Variants in SLC15A5 observed in about 807,000 individuals in gnomAD.
SLC15A5 encodes solute carrier family 15 member 5, also known as Peptide/histidine transporter ENSP00000340402.
A neutral mutation model predicts 56.1 loss-of-function variants in SLC15A5; 58 were observed. The ratio of observed to expected loss-of-function variants is 1.03; its 90% CI spans 0.84 to 1.29. The LOEUF (loss-of-function observed/expected upper bound fraction) is 1.29. SLC15A5 is among the 50% of genes most tolerant of loss of function. The pLI is 0.00. For missense variants in SLC15A5, 681 were observed against 672.1 expected (o/e 1.01, Z -0.15); for synonymous variants, 264 against 250.5 (o/e 1.05, Z -0.51).
chr12:16,206,984 A>C (rs1864025843), intron 7 of SLC15A5, among the ~76,000 whole-genome samples: 1 of 152,202 alleles, frequency 6.6e-6, no homozygotes, highest in South Asian at 2.1e-4. Context: ...ATTTCAATGA[A>C]TTATCATGGA....
intron 3 of SLC15A5, 123 bp from the exon 4 acceptor site, chr12:16,244,923 C>A: frequency 9.7e-7 from 1 of 1,034,354 alleles, no homozygotes. Context: ...TTTTAGCACC[C>A]AAGGGGTCGG....
chr12:16,253,966 G>A (rs1864544106), intron 3 of SLC15A5, among the ~76,000 whole-genome samples: 3 of 152,086 alleles, frequency 2.0e-5, no homozygotes, highest in Admixed American at 2.0e-4. Context: ...GTGAGATTCT[G>A]AGGAAATATT....
Position 16,277,437 on chromosome 12 carries a change from G to A in SLC15A5, c.249C>T (p.Asn83=). Residue 83 remains asparagine (N), a synonymous_variant, in exon 1 of 9, where the codon AAC becomes AAT. Coordinates refer to ENST00000344941, the MANE Select transcript of SLC15A5 (RefSeq NM_001170798.1). ...GTATTGAAGTTCCAATAAAACACAA[G>A]TTTAAGATGGCTGCTTGGCAATTGT... The part of the protein sequence containing the change: ...GYHNCQAAIL[N]LCFIGTSILT... 6.5e-7 allele frequency: 1 copy of A among 1,536,512 alleles called. No individual in the cohort carries two copies.
chr12:16,222,421 A>G (rs1285867490), intron 6 of SLC15A5, among the ~76,000 whole-genome samples: 1 of 152,190 alleles, frequency 6.6e-6, no homozygotes, highest in Non-Finnish European at 1.5e-5. Context: ...TTCAAGGAGT[A>G]GTCTCTCATT....
intron 5 of SLC15A5, among the ~76,000 whole-genome samples, chr12:16,229,554 A>G (rs1565664456): frequency 6.6e-6 from 1 of 151,732 alleles, no homozygotes; most frequent in African/African-American, 2.4e-5. Context: ...ACTTCATTGG[A>G]AGATTCACAA....
chr12:16,215,961 A>AT (rs1198824643), intron 7 of SLC15A5, among the ~76,000 whole-genome samples: 1 of 152,104 alleles, frequency 6.6e-6, no homozygotes, highest in African/African-American at 2.4e-5. Flanking sequence ...CTTGATAAAT[A>AT]TTTTTCGAAT....
chr12:16,242,789 G>A (rs1490438863), intron 4 of SLC15A5, among the ~76,000 whole-genome samples: 1 of 152,164 alleles, frequency 6.6e-6, no homozygotes. Context: ...GTAAGGAACT[G>A]GTATTCTGTG....
At position 16,197,133 on chromosome 12, in the gene SLC15A5, G is replaced by A. The variant is rs139408692; in HGVS notation, c.1484-2680C>T. On this transcript the variant is annotated intron_variant, in intron 7 of 8. Coordinates refer to ENST00000344941, the MANE Select transcript of SLC15A5 (RefSeq NM_001170798.1). ...CCCAAACCGAAGATTGCCATATTAC[G>A]TATTCAAACTTTCTATAATGCTCCT... Among the ~76,000 whole-genome samples, 221 of 150,678 alleles carry A rather than the reference G, an allele frequency of 1.5e-3. 6 individuals are homozygous for A. In the East Asian group the frequency reaches 0.027, roughly 18 times the overall value.
rs556599340 is a variant in SLC15A5, at chr12:16,269,572, TA to T, written c.584+2988del. Among the ~76,000 whole-genome samples, 122 of 152,320 alleles carry T rather than the reference TA, an allele frequency of 8.0e-4. No individual in the cohort carries two copies. Among genetic ancestry groups the T allele is most frequent in the Middle Eastern group, 6.8e-3 (2 of 294 alleles). ...TACATTTTTACCTCTAGTGCTTCCC[TA>T]AGATAAAATATATTTAATTTGAGTA... On this transcript the variant is annotated intron_variant, in intron 2 of 8. Coordinates refer to ENST00000344941, the MANE Select transcript of SLC15A5 (RefSeq NM_001170798.1). This position sits in a 1 kb window ranked among gnomAD's most constrained non-coding sequence, Gnocchi z 4.7.
chr12:16,211,749 G>C (rs1005034969), intron 7 of SLC15A5, among the ~76,000 whole-genome samples: 14 of 152,104 alleles, frequency 9.2e-5, no homozygotes, highest in African/African-American at 2.9e-4. Context: ...ATTAGTGTAG[G>C]AGGATGAGTT....
intron 2 of SLC15A5, among the ~76,000 whole-genome samples, chr12:16,266,024 C>T (rs1214464752): frequency 6.6e-6 from 1 of 152,014 alleles, no homozygotes; most frequent in Non-Finnish European, 1.5e-5. Flanking sequence ...AAACTAAAAC[C>T]TCTCAATAAT....
chr12:16,247,317 A>G (rs537603053), intron 3 of SLC15A5, among the ~76,000 whole-genome samples: 9 of 152,334 alleles, frequency 5.9e-5, no homozygotes, highest in African/African-American at 1.9e-4. Context: ...AACTCTAGCT[A>G]ACACAGCAAG....
At chr12:16,276,872 T>C (rs1389594152) in intron 1 of SLC15A5, among the ~76,000 whole-genome samples, 1 of 152,076 alleles carries the variant, frequency 6.6e-6, no homozygotes, top group Non-Finnish European at 1.5e-5. Context: ...TTAATTACTA[T>C]ATGACTAATT....
intron 5 of SLC15A5, among the ~76,000 whole-genome samples, chr12:16,228,179 T>C (rs540570729): frequency 2.6e-5 from 4 of 152,182 alleles, no homozygotes; most frequent in Non-Finnish European, 5.9e-5. Context: ...TGAAAATGTG[T>C]TATAGCTCAG....
chr12:16,266,409 A>G (rs1239082788), intron 2 of SLC15A5, among the ~76,000 whole-genome samples: 3 of 152,234 alleles, frequency 2.0e-5, no homozygotes, highest in Non-Finnish European at 4.4e-5. Context: ...GAAAATTACA[A>G]CTATTCCAAG....
At chr12:16,212,871 A>G (rs553222501) in intron 7 of SLC15A5, among the ~76,000 whole-genome samples, 1 of 152,314 alleles carries the variant, frequency 6.6e-6, no homozygotes, top group South Asian at 2.1e-4. Context: ...TTTATTAAAG[A>G]TAAAAATAAA....
intron 7 of SLC15A5, among the ~76,000 whole-genome samples, chr12:16,206,292 G>A (rs1307703396): frequency 1.3e-5 from 2 of 152,188 alleles, no homozygotes; most frequent in African/African-American, 4.8e-5. Context: ...TTGTTGTGAA[G>A]ATGTAATGAA....
chr12:16,245,907 TATTTTTATAGCTATAAAGTGG>T (rs1365842221), intron 3 of SLC15A5, among the ~76,000 whole-genome samples: 1 of 152,198 alleles, frequency 6.6e-6, no homozygotes, highest in African/African-American at 2.4e-5. Context: ...TGTATTAATA[TATTTTTATAGCTATAAAGTGG>T]TTAGATTGAT....
intron 2 of SLC15A5, among the ~76,000 whole-genome samples, chr12:16,258,983 TC>T (rs1864608745): frequency 9.8e-6 from 1 of 102,432 alleles, no homozygotes. Flanking sequence ...TGCCACATCT[TC>T]TTTTTCTTTT....
Sources: allele counts gnomAD v4.1 joint callset (sites outside exome capture counted in the v4.1 genomes callset), GRCh38; gene constraint gnomAD v4.1.1; non-coding constraint Gnocchi (gnomAD v3.1); transcripts MANE v1.5; gene names NCBI Gene and HGNC (gene_info 2026-07-23, HGNC 2026-07-21).